Variants in KYNU observed in about 807,000 individuals in gnomAD.
The protein encoded by KYNU is kynureninase, also known as L-kynurenine hydrolase.
A neutral mutation model predicts 59.2 loss-of-function variants in KYNU; 54 were observed. The observed-to-expected ratio is 0.91, with a 90% confidence interval of 0.73 to 1.14. KYNU has a LOEUF of 1.14. Among genes scored for constraint, KYNU ranks in the 50% most tolerant of loss-of-function variants. The probability of loss-of-function intolerance (pLI) is 0.00; values close to 1 mark genes in which losing one functional copy is unlikely to be tolerated. For synonymous variants in KYNU, 177 were observed against 192.0 expected (o/e 0.92, Z 0.65); for missense variants, 567 against 554.4 (o/e 1.02, Z -0.23).
Position 142,957,686 on chromosome 2 carries a change from G to A in KYNU, c.553G>A (p.Glu185Lys). ...QLQLHGLNIE[E>K]SMRMIKPREG... ...ACAACTTCACGGACTTAACATTGAA[G>A]AAAGTATGCGGATGATAAAGCCAAG... Residue 185 changes from glutamate (E) to lysine (K), a missense_variant, in exon 7 of 14, where the codon GAA becomes AAA. Coordinates refer to ENST00000264170, the MANE Select transcript of KYNU (RefSeq NM_003937.3). 1.2e-6 allele frequency: 2 copies of A among 1,605,156 alleles called. No homozygotes were observed. Among genetic ancestry groups the A allele is most frequent in the Non-Finnish European group, 1.7e-6 (2 of 1,172,244 alleles).
chr2:142,947,239 C>T, intron 4 of KYNU: 1 of 1,548,448 alleles, frequency 6.5e-7, no homozygotes, highest in Non-Finnish European at 8.7e-7. Flanking sequence ...AAACTGAAAC[C>T]TTGAGAGAGG....
intron 3 of KYNU, among the ~76,000 whole-genome samples, chr2:142,927,241 T>C (rs1683071796): frequency 6.6e-6 from 1 of 152,196 alleles, no homozygotes; most frequent in African/African-American, 2.4e-5. Flanking sequence ...ATTTACAGAT[T>C]ATAGCTATAT....
chr2:143,043,532 A>G lies in KYNU; in HGVS notation c.*1360A>G, dbSNP rs1166799948. On this transcript the variant is annotated 3_prime_UTR_variant, in exon 14 of 14. Transcript: ENST00000264170. ...GGAACTCCAACATCAACACCTACCA[A>G]TACCAGTAACTACTGATATTTATCA... is the stretch of plus-strand genomic sequence containing the variant. The G allele has an allele frequency of 6.6e-6, 1 of 151,722 alleles. No homozygotes were observed. The highest frequency in any genetic ancestry group is 1.5e-5 in the Non-Finnish European group (1 of 67,890). The allele number at this position is 151,722 out of a possible 1,614,324, so 9.4% of individuals were successfully genotyped here. A position where few individuals can be genotyped will look rare whatever the true frequency, so the allele number is the denominator to read the frequency against.
chr2:142,997,443 A>G lies in KYNU; in HGVS notation c.902+11422A>G, dbSNP rs747772730. ...GCATGTTCCATGTTTTTGCAATGCTATGACAATTTGTCTGATCAGCACATT... is the reference window on the plus strand; with the variant it reads ...GCATGTTCCATGTTTTTGCAATGCTGTGACAATTTGTCTGATCAGCACATT... On this transcript the variant is annotated intron_variant, in intron 10 of 13. Transcript: ENST00000264170. 5.3e-5 allele frequency among the ~76,000 whole-genome samples: 8 copies of G among 152,208 alleles called. No homozygotes were observed. The East Asian group carries it at 5.8e-4, about 11-fold the overall frequency.
At chr2:142,935,183 T>C (rs145179390) in intron 4 of KYNU, among the ~76,000 whole-genome samples, 115 of 152,324 alleles carry the variant, frequency 7.5e-4, no homozygotes, top group African/African-American at 2.3e-3. Context: ...AGGTTTAAGA[T>C]AGTGGTTCCT....
intron 8 of KYNU, among the ~76,000 whole-genome samples, chr2:142,980,256 T>G (rs189437439): frequency 6.8e-6 from 1 of 146,350 alleles, no homozygotes; most frequent in African/African-American, 2.6e-5. Flanking sequence ...TGCTAATAAT[T>G]AGCTTATAAT....
chr2:142,984,938 T>A (rs538663745), intron 8 of KYNU, 146 bp from the exon 9 acceptor site: 1 of 683,446 alleles, frequency 1.5e-6, no homozygotes, highest in African/African-American at 1.8e-5. Flanking sequence ...CTGGGAATTA[T>A]GGATCATACT....
chr2:142,972,809 TATATAGAGAGAGAG>T (rs1684768586), intron 8 of KYNU, among the ~76,000 whole-genome samples: 1 of 137,358 alleles, frequency 7.3e-6, no homozygotes, highest in African/African-American at 2.8e-5. Flanking sequence ...TATATATATA[TATATAGAGAGAGAG>T]AGAGAGAGAG....
In KYNU at chr2:143,049,894, AT is replaced by A. The variant is rs2104934303; in HGVS notation, c.*7726del. The A allele has an allele frequency of 6.6e-6, 1 of 151,950 alleles. No individual in the cohort carries two copies. The highest frequency in any genetic ancestry group is 2.4e-5 in the African/African-American group (1 of 41,500). 9.4% of individuals were successfully genotyped at this position (151,950 alleles called of 1,614,324 possible). A position where few individuals can be genotyped will look rare whatever the true frequency, so the allele number is the denominator to read the frequency against. On this transcript the variant is annotated 3_prime_UTR_variant, in exon 14 of 14. Transcript: ENST00000264170. ...TTCTTTGAAAACTGAGTTAAGTCTGATTTTCCAGAGTTTTTATGTTTGCTTC... is the reference window on the plus strand; with the variant it reads ...TTCTTTGAAAACTGAGTTAAGTCTGATTTCCAGAGTTTTTATGTTTGCTTC...
At chr2:142,915,514 A>C (rs757478866) in intron 2 of KYNU, among the ~76,000 whole-genome samples, 1 of 152,232 alleles carries the variant, frequency 6.6e-6, no homozygotes, top group Non-Finnish European at 1.5e-5. Context: ...GATATTTTGA[A>C]ACTAGTTCCT....
At chr2:142,897,162 C>T (rs1229152981) in intron 2 of KYNU, among the ~76,000 whole-genome samples, 1 of 152,192 alleles carries the variant, frequency 6.6e-6, no homozygotes, top group Non-Finnish European at 1.5e-5. Flanking sequence ...GGACAATGGT[C>T]TGTCTTAATG....
intron 2 of KYNU, among the ~76,000 whole-genome samples, chr2:142,886,094 C>G (rs533348431): frequency 6.6e-6 from 1 of 152,166 alleles, no homozygotes; most frequent in Admixed American, 6.5e-5. Context: ...AGTAATCTGA[C>G]TCTGTTCTGG....
chr2:143,012,693 C>A (rs919828863), intron 10 of KYNU, among the ~76,000 whole-genome samples: 1 of 152,190 alleles, frequency 6.6e-6, no homozygotes, highest in Non-Finnish European at 1.5e-5. Flanking sequence ...TGCAGTTACC[C>A]ATTTTTTTTC....
Position 143,047,151 on chromosome 2 carries a change from A to G in KYNU, c.*4979A>G, listed in dbSNP as rs547714974. The stretch of plus-strand genomic sequence containing the variant: ...GTGATTATAGCTCACTGCAGTCTCA[A>G]CCTCCTGGGCTCAAGTGATCCTCCC... On this transcript the variant is annotated 3_prime_UTR_variant, in exon 14 of 14. Coordinates refer to ENST00000264170, the MANE Select transcript of KYNU (RefSeq NM_003937.3). 10 of 152,104 alleles carry G rather than the reference A, an allele frequency of 6.6e-5. 1 individual carries two copies. The highest frequency in any genetic ancestry group is 2.2e-4 in the African/African-American group (9 of 41,508). The allele number at this position is 152,104 out of a possible 1,614,324, so 9.4% of individuals were successfully genotyped here.
chr2:142,988,874 A>C, intron 10 of KYNU: 1 of 1,608,848 alleles, frequency 6.2e-7, no homozygotes, highest in Non-Finnish European at 8.5e-7. Flanking sequence ...TAGGAATGGA[A>C]TGCAACAGAT....
intron 8 of KYNU, among the ~76,000 whole-genome samples, chr2:142,984,188 G>A (rs1685131642): frequency 6.6e-6 from 1 of 151,892 alleles, no homozygotes; most frequent in Admixed American, 6.6e-5. Context: ...TCGAGCATTG[G>A]CCATTCAGAA....
intron 1 of KYNU, among the ~76,000 whole-genome samples, chr2:142,880,572 A>G (rs182389429): frequency 1.3e-5 from 2 of 152,338 alleles, no homozygotes; most frequent in Non-Finnish European, 2.9e-5. Flanking sequence ...CATAGCTTCT[A>G]TCTATGATTA....
At chr2:142,927,893 T>A in intron 4 of KYNU, 152 bp downstream of exon 4, 1 of 595,100 alleles carries the variant, frequency 1.7e-6, no homozygotes, top group Non-Finnish European at 3.0e-6. Flanking sequence ...CACTTTCAAC[T>A]TAAATTTGTT....
intron 10 of KYNU, among the ~76,000 whole-genome samples, chr2:143,002,019 A>G (rs2105186934): frequency 6.6e-6 from 1 of 152,294 alleles, no homozygotes; most frequent in African/African-American, 2.4e-5. Flanking sequence ...ATGGGATTTT[A>G]TAGCTTCCAT....
Sources: allele counts gnomAD v4.1 joint callset (sites outside exome capture counted in the v4.1 genomes callset), GRCh38; gene constraint gnomAD v4.1.1; transcripts MANE v1.5; gene names NCBI Gene and HGNC (gene_info 2026-07-23, HGNC 2026-07-21).